Variants in CIROZ observed in about 807,000 individuals in gnomAD.
CIROZ encodes ciliated left-right organizer protein containing ZP-N domains.
the CIROZ span, among the ~76,000 whole-genome samples, chr1:10,976,500 T>C: frequency 1.3e-5 from 2 of 151,854 alleles, no homozygotes; most frequent in East Asian, 1.9e-4. Context: ...TACAGGCACA[T>C]GCCACCACGC....
the CIROZ span, among the ~76,000 whole-genome samples, chr1:10,975,407 G>GAAAAA: frequency 1.3e-5 from 1 of 78,782 alleles, no homozygotes; most frequent in African/African-American, 3.6e-5. Flanking sequence ...CTCTGTCTCA[G>GAAAAA]AAAAAAAAAA....
chr1:10,952,381 G>A, the CIROZ span, among the ~76,000 whole-genome samples: 2 of 152,122 alleles, frequency 1.3e-5, no homozygotes, highest in Non-Finnish European at 2.9e-5. Flanking sequence ...TATTGCTGTT[G>A]CTGATCTATT....
chr1:10,950,515 A>C, the CIROZ span, among the ~76,000 whole-genome samples: 11,741 of 152,132 alleles, frequency 0.077, 788 homozygotes, highest in African/African-American at 0.18. Flanking sequence ...TCCCTGCCTG[A>C]CCACCTTTCA....
the CIROZ span, chr1:10,957,116 G>A: frequency 1.3e-6 from 2 of 1,547,878 alleles, no homozygotes; most frequent in Non-Finnish European, 1.7e-6. Context: ...ACCTGGGGAG[G>A]AAGGGGGGTC....
the CIROZ span, chr1:10,957,031 C>T: frequency 6.4e-7 from 1 of 1,551,040 alleles, no homozygotes; most frequent in Admixed American, 2.0e-5. Context: ...ACCCGGTGGG[C>T]AAGCAGCTTC....
At chr1:10,958,693 A>T in the CIROZ span, 1 of 1,613,906 alleles carries the variant, frequency 6.2e-7, no homozygotes, top group Non-Finnish European at 8.5e-7. Context: ...TGCTCCTGCT[A>T]CTTCAATGGG....
At chr1:10,981,443 T>C in the CIROZ span, among the ~76,000 whole-genome samples, 1 of 145,426 alleles carries the variant, frequency 6.9e-6, no homozygotes, top group Non-Finnish European at 1.5e-5. Context: ...AGAGCAAGAC[T>C]CTATCTCAGG....
the CIROZ span, chr1:10,964,387 G>T: frequency 1.6e-6 from 2 of 1,254,312 alleles, no homozygotes; most frequent in East Asian, 2.7e-5. Flanking sequence ...CCTCCTAGAA[G>T]GTGGGCTTGT....
chr1:10,966,800 G>C, the CIROZ span, among the ~76,000 whole-genome samples: 2 of 152,116 alleles, frequency 1.3e-5, no homozygotes, highest in South Asian at 4.2e-4. Flanking sequence ...TCATGCAGCA[G>C]CCCGCAGGAT....
chr1:10,981,525 AGGAAGGAAGGCAGGGAG>A, the CIROZ span, among the ~76,000 whole-genome samples: 8,032 of 150,770 alleles, frequency 0.053, 723 homozygotes, highest in African/African-American at 0.18. Context: ...GGAAGGAGAA[AGGAAGGAAGGCAGGGAG>A]GGAAGGAAGG....
At chr1:10,960,076 G>A in the CIROZ span, among the ~76,000 whole-genome samples, 1 of 152,146 alleles carries the variant, frequency 6.6e-6, no homozygotes, top group African/African-American at 2.4e-5. The surrounding 1 kb of genome is among the most constrained non-coding windows in gnomAD (Gnocchi z 4.6). Context: ...AAGAAGGAGG[G>A]AAGCAATTCT....
chr1:10,954,175 G>A, the CIROZ span: 17 of 1,599,060 alleles, frequency 1.1e-5, no homozygotes, highest in Non-Finnish European at 1.5e-5. Context: ...TTGCACATTG[G>A]CTGGGCGCAG....
At chr1:10,965,459 C>T in the CIROZ span, among the ~76,000 whole-genome samples, 2 of 152,208 alleles carry the variant, frequency 1.3e-5, no homozygotes, top group Admixed American at 6.5e-5. Context: ...CACAGTGGCT[C>T]ATTCCTATCA....
At chr1:10,950,535 CA>C in the CIROZ span, among the ~76,000 whole-genome samples, 5 of 152,176 alleles carry the variant, frequency 3.3e-5, no homozygotes, top group African/African-American at 4.8e-5. Context: ...AGGTCAGACT[CA>C]GCCCAGGCAG....
chr1:10,973,154 C>T, the CIROZ span, among the ~76,000 whole-genome samples: 7 of 152,142 alleles, frequency 4.6e-5, no homozygotes, highest in Admixed American at 1.3e-4. Flanking sequence ...GGGCAGATCA[C>T]TTGAGGTGAA....
chr1:10,957,127 C>T, the CIROZ span: 1 of 1,540,694 alleles, frequency 6.5e-7, no homozygotes, highest in Non-Finnish European at 8.7e-7. Flanking sequence ...AAGGGGGGTC[C>T]CCCCTGAGGT....
At chr1:10,951,745 A>AAAAAAAAAAAAAATATAT in the CIROZ span, among the ~76,000 whole-genome samples, 1 of 119,206 alleles carries the variant, frequency 8.4e-6, no homozygotes, top group African/African-American at 3.6e-5. Flanking sequence ...AAAAAAAAAA[A>AAAAAAAAAAAAAATATAT]ATATATATAT....
At chr1:10,947,057 AT>A in the CIROZ span, among the ~76,000 whole-genome samples, 9 of 152,186 alleles carry the variant, frequency 5.9e-5, no homozygotes, top group African/African-American at 1.9e-4. Context: ...TCCACGCCAA[AT>A]GCTCTACGTT....
chr1:10,978,594 C>T, the CIROZ span, among the ~76,000 whole-genome samples: 1 of 151,936 alleles, frequency 6.6e-6, no homozygotes, highest in Non-Finnish European at 1.5e-5. Flanking sequence ...CTTGTGGTCC[C>T]AGCTACTCAG....
Sources: allele counts gnomAD v4.1 joint callset (sites outside exome capture counted in the v4.1 genomes callset), GRCh38; gene constraint gnomAD v4.1.1; non-coding constraint Gnocchi (gnomAD v3.1); transcripts MANE v1.5; gene names NCBI Gene and HGNC (gene_info 2026-07-23, HGNC 2026-07-21).